CLIC5: variants seen among roughly 807,000 people sequenced by gnomAD.
CLIC5 encodes the protein chloride intracellular channel protein 5.
Under a neutral mutation model 24.7 loss-of-function variants are expected in CLIC5, and 20 were observed. The ratio of observed to expected loss-of-function variants is 0.81; its 90% CI spans 0.57 to 1.18. The LOEUF (loss-of-function observed/expected upper bound fraction) is 1.18. Ranked by LOEUF, CLIC5 falls within the 50% of genes most tolerant of loss-of-function variation. CLIC5 has a pLI of 0.00. For missense variants in CLIC5, 341 were observed against 326.1 expected, an observed-to-expected ratio of 1.05 and a Z score of -0.35; for synonymous variants, 159 against 135.6, an observed-to-expected ratio of 1.17 and a Z score of -1.20.
chr6:46,089,209 A>T, the CLIC5 span, among the ~76,000 whole-genome samples: 2 of 152,192 alleles, frequency 1.3e-5, no homozygotes, highest in Admixed American at 1.3e-4. Flanking sequence ...TGTTTAACAG[A>T]AGTCATGAAG....
At chr6:46,040,578 G>A (rs1013003815) in intron 1 of CLIC5, among the ~76,000 whole-genome samples, 2 of 151,878 alleles carry the variant, frequency 1.3e-5, no homozygotes, top group Non-Finnish European at 2.9e-5. Flanking sequence ...CTGATGGTGG[G>A]GTGGTGGTGG....
intron 6 of CLIC5, among the ~76,000 whole-genome samples, chr6:45,884,574 C>G (rs566965528): frequency 1.9e-4 from 29 of 152,268 alleles, no homozygotes; most frequent in African/African-American, 6.7e-4. Context: ...GCAAGGAAGG[C>G]TGCGAAATGG....
intron 1 of CLIC5, among the ~76,000 whole-genome samples, chr6:45,994,366 T>C (rs1766050713): frequency 1.3e-5 from 2 of 152,142 alleles, no homozygotes; most frequent in Non-Finnish European, 2.9e-5. Flanking sequence ...TGGAAGCCAT[T>C]GTCCTCAGCA....
intron 1 of CLIC5, among the ~76,000 whole-genome samples, chr6:45,972,798 T>C (rs1383052585): frequency 6.6e-6 from 1 of 152,206 alleles, no homozygotes; most frequent in African/African-American, 2.4e-5. Context: ...AACCGATGCA[T>C]TGGGTCAGTG....
chr6:45,971,488 C>T (rs1431815196), intron 1 of CLIC5, among the ~76,000 whole-genome samples: 1 of 152,148 alleles, frequency 6.6e-6, no homozygotes, highest in Non-Finnish European at 1.5e-5. Context: ...ACAAGACCCA[C>T]CTAAGGAAGG....
intron 1 of CLIC5, among the ~76,000 whole-genome samples, chr6:46,055,367 T>G (rs1035088995): frequency 2.0e-5 from 3 of 152,082 alleles, no homozygotes; most frequent in Non-Finnish European, 2.9e-5. Context: ...CCTCCCAAAG[T>G]GCTGGGAAAA....
downstream of CLIC5, among the ~76,000 whole-genome samples, chr6:45,894,517 T>C (rs532988238): frequency 7.2e-4 from 109 of 152,326 alleles, no homozygotes; most frequent in African/African-American, 2.5e-3. Flanking sequence ...TGGAAAGATA[T>C]TCATGATGTA....
chr6:45,907,075 G>A (rs1324782899), intron 5 of CLIC5, among the ~76,000 whole-genome samples: 1 of 152,188 alleles, frequency 6.6e-6, no homozygotes, highest in Non-Finnish European at 1.5e-5. Flanking sequence ...TAGGAGTGGT[G>A]AGAGTGGGCA....
At chr6:46,066,617 G>C (rs376237460) in intron 1 of CLIC5, among the ~76,000 whole-genome samples, 2 of 152,110 alleles carry the variant, frequency 1.3e-5, no homozygotes, top group African/African-American at 2.4e-5. Context: ...TGCTAACTGT[G>C]GGGGGTACAT....
At chr6:46,003,963 A>G (rs1766450273) in intron 1 of CLIC5, among the ~76,000 whole-genome samples, 1 of 152,216 alleles carries the variant, frequency 6.6e-6, no homozygotes, top group African/African-American at 2.4e-5. Context: ...TGAGAGGATT[A>G]ACTATCTTCC....
chr6:46,059,678 G>T (rs1366896295), intron 1 of CLIC5, among the ~76,000 whole-genome samples: 1 of 152,182 alleles, frequency 6.6e-6, no homozygotes, highest in Non-Finnish European at 1.5e-5. Flanking sequence ...GGAAAAGAAG[G>T]CTCCATAAGG....
chr6:45,954,118 AC>A (rs1416703373), intron 2 of CLIC5, among the ~76,000 whole-genome samples: 1 of 151,984 alleles, frequency 6.6e-6, no homozygotes, highest in Non-Finnish European at 1.5e-5. Flanking sequence ...TACTAAAAAT[AC>A]AAAAATTAGC....
At chr6:46,106,505 T>G in the CLIC5 span, among the ~76,000 whole-genome samples, 2 of 152,238 alleles carry the variant, frequency 1.3e-5, no homozygotes, top group African/African-American at 4.8e-5. Flanking sequence ...AATGCTTTTT[T>G]GGGGCCCAAT....
chr6:45,912,608 T>TGCCTCAGCTCATGCTGC, intron 5 of CLIC5: 1 of 1,463,018 alleles, frequency 6.8e-7, no homozygotes, highest in Non-Finnish European at 9.2e-7. Context: ...TTAAATGATG[T>TGCCTCAGCTCATGCTGC]GCCTCAGCTC....
chr6:45,979,478 G>T (rs1581818768), intron 1 of CLIC5, among the ~76,000 whole-genome samples: 1 of 152,156 alleles, frequency 6.6e-6, no homozygotes, highest in Admixed American at 6.5e-5. Context: ...TGACATTTAG[G>T]GAAGGTCCAC....
At chr6:46,044,675 C>T (rs913832889) in intron 1 of CLIC5, among the ~76,000 whole-genome samples, 11 of 152,136 alleles carry the variant, frequency 7.2e-5, no homozygotes, top group Non-Finnish European at 2.9e-5. Context: ...ACTTACTTCT[C>T]TAACTAAACA....
rs139667203 is a variant in CLIC5, at chr6:45,959,400, CAA to C, written c.64-4158_64-4157del. ...ACAAAATAACTATATTTTCTAAAAA[CAA>C]GAAATTTAGTAAAAGTGGCAATGTT... On this transcript the variant is annotated intron_variant, in intron 1 of 5. Transcript: ENST00000339561. Among the ~76,000 whole-genome samples, 447 of 152,230 alleles carry C rather than the reference CAA, an allele frequency of 2.9e-3. 1 individual carries two copies. The highest frequency in any genetic ancestry group is 0.01 in the African/African-American group (428 of 41,558).
intron 1 of CLIC5, among the ~76,000 whole-genome samples, chr6:45,979,286 C>T (rs1765490594): frequency 6.6e-6 from 1 of 152,160 alleles, no homozygotes; most frequent in Non-Finnish European, 1.5e-5. Context: ...AGGGGCATTT[C>T]CTCCCCTTTC....
intron 1 of CLIC5, among the ~76,000 whole-genome samples, chr6:46,062,979 T>C (rs1412819287): frequency 6.6e-6 from 1 of 152,230 alleles, no homozygotes; most frequent in African/African-American, 2.4e-5. Context: ...TTCTCATTGC[T>C]GAAAAATGGT....
Sources: gnomAD v4.1 joint callset for allele counts (sites outside exome capture counted in the v4.1 genomes callset) on GRCh38, gnomAD v4.1.1 for gene constraint, MANE v1.5 for transcripts, NCBI Gene and HGNC (gene_info 2026-07-23, HGNC 2026-07-21) for gene names.